Variants in NTRK1 observed in about 807,000 individuals in gnomAD.
NTRK1 encodes the protein neurotrophic receptor tyrosine kinase 1.
In NTRK1, 62 loss-of-function variants were observed where a neutral mutation model predicts 86.8. The ratio of observed to expected loss-of-function variants is 0.71; its 90% CI spans 0.58 to 0.88. NTRK1 has a LOEUF of 0.88. Among genes scored for constraint, NTRK1 ranks in the 40% least tolerant of loss-of-function variants. The pLI, the probability that NTRK1 is intolerant of heterozygous loss-of-function variation, is 0.00. For missense variants in NTRK1, 967 were observed against 1,078.4 expected (o/e 0.90, Z 1.45); for synonymous variants, 469 against 456.6 (o/e 1.03, Z -0.35).
intron 2 of NTRK1, chr1:156,851,458 G>C: frequency 6.2e-7 from 1 of 1,614,018 alleles, no homozygotes; most frequent in African/African-American, 1.3e-5. Flanking sequence ...GACAGGGCTG[G>C]AGTAGGAGCA....
intron 2 of NTRK1, chr1:156,848,834 T>C: frequency 6.8e-7 from 1 of 1,470,072 alleles, no homozygotes; most frequent in Non-Finnish European, 9.1e-7. Context: ...ATAGCCTCGC[T>C]GAGCTCCGCC....
chr1:156,881,676 G>C lies in NTRK1; in HGVS notation c.*34G>C, dbSNP rs903445431. The C allele has an allele frequency of 6.4e-7, 1 of 1,572,390 alleles. No individual in the cohort carries two copies. Among genetic ancestry groups the C allele is most frequent in the Admixed American group, 1.9e-5 (1 of 54,024 alleles). ...CCCAGGGGCTGGGAGTGGTTAGCCGGAATACTGGGGCCTGCCCTCAGCATC... is the reference window on the plus strand; with the variant it reads ...CCCAGGGGCTGGGAGTGGTTAGCCGCAATACTGGGGCCTGCCCTCAGCATC... On this transcript the variant is annotated 3_prime_UTR_variant, in exon 17 of 17. Coordinates refer to ENST00000524377, the MANE Select transcript of NTRK1 (RefSeq NM_002529.4).
chr1:156,848,492 C>T (rs1021112510), intron 2 of NTRK1, among the ~76,000 whole-genome samples: 2 of 152,198 alleles, frequency 1.3e-5, no homozygotes, highest in Non-Finnish European at 2.9e-5. Context: ...CAGCTGTGGT[C>T]CCTGGCGGCC....
intron 1 of NTRK1, among the ~76,000 whole-genome samples, chr1:156,836,324 T>G (rs1291076636): frequency 6.6e-6 from 1 of 152,234 alleles, no homozygotes; most frequent in East Asian, 1.9e-4. Flanking sequence ...CTTCCACAGC[T>G]GTGCATAGGG....
chr1:156,873,949 C>A lies in NTRK1; in HGVS notation c.1167C>A (p.Asp389Glu), dbSNP rs1571696289. ...MDNPFEFNPE[D>E]PIPVSFSPVD... Reference sequence around the variant, plus strand: ...ACCCTTTCGAGTTCAACCCCGAGGACCCCATCCCTGGTGCGAGGGCCATCC... The same window carrying A: ...ACCCTTTCGAGTTCAACCCCGAGGAACCCATCCCTGGTGCGAGGGCCATCC... The change falls in exon 8 of 17, where the codon GAC (aspartate) becomes GAA (glutamate). Residue 389 changes from aspartate (D) to glutamate (E), a missense_variant. This residue lies in a region of NTRK1 where 637 missense variants were observed against 776.5 expected (regional missense o/e 0.82). Transcript: ENST00000524377. The A allele has an allele frequency of 1.9e-6, 3 of 1,553,302 alleles. No individual in the cohort carries two copies. Among genetic ancestry groups the A allele is most frequent in the Non-Finnish European group, 2.6e-6 (3 of 1,147,864 alleles).
In NTRK1 at chr1:156,854,357, T is replaced by C; in HGVS notation, c.51-9997T>C. The C allele has an allele frequency of 6.6e-7, 1 of 1,511,202 alleles. No individual in the cohort carries two copies. The highest frequency in any genetic ancestry group is 8.9e-7 in the Non-Finnish European group (1 of 1,124,292). The allele number at this position is 1,511,202 out of a possible 1,614,324, so 93.6% of individuals were successfully genotyped here. A position where few individuals can be genotyped will look rare whatever the true frequency, so the allele number is the denominator to read the frequency against. ...AGTACAGCCCAGGCCAAATTCCCCA[T>C]CCAGCCCTGGCAGCTTTGGAGGGGA... On this transcript the variant is annotated intron_variant, in intron 2 of 16. Coordinates refer to the NTRK1 transcript ENST00000392302. This position sits in a 1 kb window ranked among gnomAD's most constrained non-coding sequence, Gnocchi z 4.2.
Position 156,870,891 on chromosome 1 carries a change from T to C in NTRK1, c.718-732T>C, listed in dbSNP as rs927893588. Among the ~76,000 whole-genome samples, 3 of 152,236 alleles carry C rather than the reference T, an allele frequency of 2.0e-5. No homozygotes were observed. In the East Asian group the frequency reaches 5.8e-4, roughly 29 times the overall value. On this transcript the variant is annotated intron_variant, in intron 6 of 16. Coordinates refer to ENST00000524377, the MANE Select transcript of NTRK1 (RefSeq NM_002529.4). ...CCACGGTTTCCTAGGAAGAGAAACT[T>C]GATCTGATTCAATCCTGACGATGAT...
rs529909489 is a variant in NTRK1, at chr1:156,866,700, T to C, written c.360-210T>C. Among the ~76,000 whole-genome samples, 3 of 152,082 alleles carry C rather than the reference T, an allele frequency of 2.0e-5. No individual in the cohort carries two copies. In the South Asian group the frequency reaches 6.2e-4, roughly 32 times the overall value. On this transcript the variant is annotated intron_variant, in intron 3 of 16. Transcript: ENST00000524377. ...GGTTAAGTGGGGTTAACCCTTGTTG[T>C]CCCAGGGAAAGGAGTGGGACTCAGA... is the stretch of plus-strand genomic sequence containing the variant.
intron 9 of NTRK1, 44 bp from the exon 10 acceptor site, chr1:156,874,527 C>A (rs768316970): frequency 2.5e-6 from 4 of 1,611,726 alleles, no homozygotes; most frequent in Non-Finnish European, 3.4e-6. Flanking sequence ...CTGGAGGCTA[C>A]AGTGTGTGTC....
At chr1:156,857,602 C>T (rs1398540702), upstream of NTRK1, among the ~76,000 whole-genome samples, 1 of 152,122 alleles carries the variant, frequency 6.6e-6, no homozygotes, top group Non-Finnish European at 1.5e-5. Context: ...TGGTGCTATG[C>T]CTTACAGACA....
intron 2 of NTRK1, chr1:156,846,475 G>T: frequency 6.7e-7 from 1 of 1,482,910 alleles, no homozygotes; most frequent in South Asian, 1.1e-5. Context: ...CTGTTCTCAT[G>T]GATGCAGGCG....
At chr1:156,837,971 T>C (rs1654638061) in intron 1 of NTRK1, 1 of 152,174 alleles carries the variant, frequency 6.6e-6, no homozygotes, top group African/African-American at 2.4e-5. Flanking sequence ...CATGTCCTTG[T>C]ACCCCATTCT....
chr1:156,867,755 G>C (rs1469226020), intron 4 of NTRK1, among the ~76,000 whole-genome samples: 3 of 151,606 alleles, frequency 2.0e-5, no homozygotes, highest in Non-Finnish European at 2.9e-5. Flanking sequence ...CTCACTGCAA[G>C]CTCCGCCTCC....
rs1571687738 is a variant in NTRK1 at position 156,866,825 on chromosome 1, T to C, written c.360-85T>C. The C allele has an allele frequency of 4.8e-6, 7 of 1,443,658 alleles. No individual in the cohort carries two copies. In the East Asian group the frequency reaches 6.8e-5, roughly 14 times the overall value. 89.4% of individuals were successfully genotyped at this position (1,443,658 alleles called of 1,614,324 possible). ...CGGGGGAGCCAGATGTCAACTTCTT[T>C]CTTGGCTCCTCCCCTCCCTCATTCT... On this transcript the variant is annotated intron_variant, in intron 3 of 16. Coordinates refer to ENST00000524377, the MANE Select transcript of NTRK1 (RefSeq NM_002529.4).
In NTRK1 at chr1:156,867,125, C is replaced by T. The variant is rs942161483; in HGVS notation, c.428+147C>T. 9 of 855,454 alleles carry T rather than the reference C, an allele frequency of 1.1e-5. No individual in the cohort carries two copies. In the South Asian group the frequency reaches 1.3e-4, roughly 12 times the overall value. The allele number at this position is 855,454 out of a possible 1,614,324, so 53.0% of individuals were successfully genotyped here. On this transcript the variant is annotated intron_variant, in intron 4 of 16. Coordinates refer to ENST00000524377, the MANE Select transcript of NTRK1 (RefSeq NM_002529.4). ...GACTATGTGCATGCCAGTGAAACCCCCATCAAAGCAGGGGCTGCAGGACTA... is the reference window on the plus strand; with the variant it reads ...GACTATGTGCATGCCAGTGAAACCCTCATCAAAGCAGGGGCTGCAGGACTA...
chr1:156,860,788 C>G (rs1423020485), upstream of NTRK1: 31 of 1,313,784 alleles, frequency 2.4e-5, no homozygotes, highest in Non-Finnish European at 3.0e-5. Context: ...AGGGGCAAGG[C>G]GGGGCCGGGC....
At chr1:156,866,771 A>G (rs901585388) in intron 3 of NTRK1, 139 bp from the exon 4 acceptor site, 4 of 581,652 alleles carry the variant, frequency 6.9e-6, no homozygotes, top group Admixed American at 2.1e-5. Flanking sequence ...ACTGCCTTCC[A>G]GGGCTGGTTC....
At chr1:156,840,757 CT>C in intron 1 of NTRK1, 1 of 797,714 alleles carries the variant, frequency 1.3e-6, no homozygotes. Flanking sequence ...CTGCCCCACC[CT>C]CGGCCATCCC....
chr1:156,845,851 G>T (rs1174102904), intron 2 of NTRK1: 2 of 1,586,572 alleles, frequency 1.3e-6, no homozygotes, highest in Non-Finnish European at 8.6e-7. Context: ...TAAGACAGGC[G>T]GTCTACCCGC....
Sources: allele counts gnomAD v4.1 joint callset (sites outside exome capture counted in the v4.1 genomes callset), GRCh38; gene constraint gnomAD v4.1.1; regional missense constraint gnomAD v4.1.1; non-coding constraint Gnocchi (gnomAD v3.1); transcripts MANE v1.5; gene names NCBI Gene and HGNC (gene_info 2026-07-23, HGNC 2026-07-21).